Variants in SLC18B1 observed in about 807,000 individuals in gnomAD.
The protein encoded by SLC18B1 is MFS-type transporter SLC18B1.
In SLC18B1, 62 loss-of-function variants were observed where a neutral mutation model predicts 53.9. That is an observed-to-expected ratio of 1.15 (90% CI 0.94 to 1.42). SLC18B1 has a LOEUF of 1.42. SLC18B1 is among the 40% of genes most tolerant of loss of function. The pLI is 0.00. For synonymous variants in SLC18B1, 217 were observed against 200.9 expected (o/e 1.08, Z -0.68); for missense variants, 598 against 547.3 (o/e 1.09, Z -0.93).
At chr6:132,790,035 A>G (rs1781482869) in intron 3 of SLC18B1, 142 bp downstream of exon 3, 2 of 721,512 alleles carry the variant, frequency 2.8e-6, no homozygotes, top group African/African-American at 1.8e-5. Flanking sequence ...AACTCTGAGG[A>G]GAGAACTGTC....
At chr6:132,774,359 C>G in intron 8 of SLC18B1, 46 bp from the exon 9 acceptor site, 1 of 1,438,226 alleles carries the variant, frequency 7.0e-7, no homozygotes, top group Non-Finnish European at 9.7e-7. Flanking sequence ...GAGGCAAAGA[C>G]CCTCCATAAT....
In SLC18B1 at chr6:132,798,609, C is replaced by G. The variant is rs1337828777; in HGVS notation, c.-153G>C. On this transcript the variant is annotated 5_prime_UTR_variant, in exon 1 of 14. Coordinates refer to ENST00000275227, the MANE Select transcript of SLC18B1 (RefSeq NM_052831.3). Reference sequence around the variant, plus strand: ...CCTGCAGGCAGCGATCCGCCCGGCCCGGAGCTCCCCAAAGCCTTCCAGGAC... The same window carrying G: ...CCTGCAGGCAGCGATCCGCCCGGCCGGGAGCTCCCCAAAGCCTTCCAGGAC... 1 of 778,450 alleles carries G rather than the reference C, an allele frequency of 1.3e-6. No homozygotes were observed. The highest frequency in any genetic ancestry group is 1.8e-6 in the Non-Finnish European group (1 of 545,986). 48.2% of individuals were successfully genotyped at this position (778,450 alleles called of 1,614,324 possible). A position where few individuals can be genotyped will look rare whatever the true frequency, so the allele number is the denominator to read the frequency against.
intron 6 of SLC18B1, 76 bp from the exon 7 acceptor site, chr6:132,779,480 TG>T: frequency 6.8e-7 from 1 of 1,474,786 alleles, no homozygotes; most frequent in Non-Finnish European, 9.3e-7. Flanking sequence ...TTTGGAAAAC[TG>T]GTAACACCAT....
intron 2 of SLC18B1, among the ~76,000 whole-genome samples, chr6:132,794,646 G>A (rs927916808): frequency 6.6e-6 from 1 of 152,062 alleles, no homozygotes; most frequent in Non-Finnish European, 1.5e-5. Flanking sequence ...CTCTTCCTGT[G>A]ACTATACCTA....
intron 2 of SLC18B1, among the ~76,000 whole-genome samples, chr6:132,794,105 T>A (rs1053419171): frequency 1.1e-4 from 16 of 143,186 alleles, no homozygotes; most frequent in Non-Finnish European, 2.4e-4. Context: ...ATTTTTTTTT[T>A]AATTTTTTTT....
intron 5 of SLC18B1, among the ~76,000 whole-genome samples, chr6:132,785,915 A>AAAAAAAAAAAAAAG: frequency 6.7e-6 from 1 of 148,436 alleles, no homozygotes; most frequent in East Asian, 1.9e-4. Flanking sequence ...AAAAAAAAAA[A>AAAAAAAAAAAAAAG]AGAAAGAAAA....
Position 132,797,103 on chromosome 6 carries a change from C to G in SLC18B1, c.62G>C (p.Ser21Thr). 1 of 1,613,850 alleles carries G rather than the reference C, an allele frequency of 6.2e-7. No individual in the cohort carries two copies. The highest frequency in any genetic ancestry group is 8.5e-7 in the Non-Finnish European group (1 of 1,179,948). ...AAGCCACCCGGGGGTCTCTCCTGCA[C>G]TTCCTGCAGGATCATCACCTTGAAT... ...RAPGGDDPAG[S>T]AGETPGWLSR... Residue 21 changes from serine to threonine, a missense_variant, in exon 2 of 14, where the codon AGT becomes ACT. Ser to Thr is a moderately conservative substitution (Grantham distance 58). Transcript: ENST00000275227.
chr6:132,776,185 A>T, intron 8 of SLC18B1, 143 bp downstream of exon 8: 1 of 647,104 alleles, frequency 1.5e-6, no homozygotes, highest in African/African-American at 1.9e-5. Flanking sequence ...CCTTAGGGTG[A>T]TAGAAAACAC....
At chr6:132,794,032 C>G (rs1482479660) in intron 2 of SLC18B1, among the ~76,000 whole-genome samples, 1 of 152,114 alleles carries the variant, frequency 6.6e-6, no homozygotes, top group Non-Finnish European at 1.5e-5. Context: ...TAGGAAATGC[C>G]CTTCTCACTG....
chr6:132,786,181 G>A (rs1022155305), intron 5 of SLC18B1, among the ~76,000 whole-genome samples: 5 of 152,128 alleles, frequency 3.3e-5, no homozygotes, highest in Non-Finnish European at 7.4e-5. Flanking sequence ...AATGTAAATG[G>A]TATGCCGGCC....
chr6:132,783,840 AT>A, intron 6 of SLC18B1, 92 bp downstream of exon 6: 1 of 1,006,398 alleles, frequency 9.9e-7, no homozygotes, highest in Non-Finnish European at 1.3e-6. Flanking sequence ...GCTATTTTTG[AT>A]TATATAAAAT....
At chr6:132,774,052 A>G (rs1781041608) in intron 9 of SLC18B1, among the ~76,000 whole-genome samples, 170 bp downstream of exon 9, 1 of 152,200 alleles carries the variant, frequency 6.6e-6, no homozygotes, top group Admixed American at 6.5e-5. Context: ...TCCCACTGCT[A>G]GCTTCTAGTA....
Position 132,780,013 on chromosome 6 carries a change from C to T in SLC18B1, c.659-609G>A, listed in dbSNP as rs185967407. ...ATTAATTACCTCCACCTGGCCCCAC[C>T]CCTTGACACATGGGGACTATTATAA... On this transcript the variant is annotated intron_variant, in intron 6 of 13. Coordinates refer to ENST00000275227, the MANE Select transcript of SLC18B1 (RefSeq NM_052831.3). 2.3e-3 allele frequency among the ~76,000 whole-genome samples: 346 copies of T among 152,252 alleles called. 1 individual carries two copies. The highest frequency in any genetic ancestry group is 7.8e-3 in the African/African-American group (326 of 41,552).
chr6:132,787,305 G>A (rs1781401215), intron 5 of SLC18B1, 129 bp downstream of exon 5: 3 of 868,544 alleles, frequency 3.5e-6, no homozygotes, highest in Admixed American at 3.4e-5. Context: ...AACTCGGGGT[G>A]AAAGGCAACA....
chr6:132,781,494 C>T (rs895615553), intron 6 of SLC18B1, among the ~76,000 whole-genome samples: 3 of 152,082 alleles, frequency 2.0e-5, no homozygotes, highest in East Asian at 1.9e-4. Context: ...CACGGTGGCT[C>T]ACATCTGTAA....
intron 5 of SLC18B1, among the ~76,000 whole-genome samples, chr6:132,785,925 A>AAAAAG (rs1457335882): frequency 2.0e-5 from 3 of 151,280 alleles, no homozygotes; most frequent in Non-Finnish European, 2.9e-5. Flanking sequence ...AAGAAAGAAA[A>AAAAAG]AAAGAAAAAA....
At position 132,774,260 on chromosome 6, in the gene SLC18B1, G is replaced by A. The variant is rs1297914823; in HGVS notation, c.951C>T (p.Tyr317=). ...VFGNLITAGC[Y]MLLGPVPILH... is the part of the protein sequence containing the mutation. Reference sequence around the variant, plus strand: ...AGATTGGGACAGGCCCTAAGAGCATGTAGCACCCGGCTGTGATTAAGTTGC... The same window carrying A: ...AGATTGGGACAGGCCCTAAGAGCATATAGCACCCGGCTGTGATTAAGTTGC... Residue 317 remains tyrosine, a synonymous_variant, in exon 9 of 14, where the codon TAC becomes TAT. Transcript: ENST00000275227. 12 of 1,613,508 alleles carry A rather than the reference G, an allele frequency of 7.4e-6. No individual in the cohort carries two copies. Among genetic ancestry groups the A allele is most frequent in the Admixed American group, 6.7e-5 (4 of 59,952 alleles).
Position 132,787,576 on chromosome 6 carries a change from A to G in SLC18B1, c.359T>C (p.Leu120Ser). The change falls in exon 5 of 14, where the codon TTG becomes TCG. Residue 120 changes from leucine to serine, a missense_variant. Leu to Ser is a moderately radical substitution (Grantham distance 145). Transcript: ENST00000275227. Reference sequence around the variant, plus strand: ...TACTGGCCCATCTGGAACTCGGTCCAATACACTAAAAAGGAATAAGACAAT... The same window carrying G: ...TACTGGCCCATCTGGAACTCGGTCCGATACACTAAAAAGGAATAAGACAAT... ...SGGVTILFGV[L>S]DRVPDGPVFI... 1 of 1,569,892 alleles carries G rather than the reference A, an allele frequency of 6.4e-7. No homozygotes were observed.
At chr6:132,785,521 T>C (rs1781346853) in intron 5 of SLC18B1, among the ~76,000 whole-genome samples, 2 of 152,168 alleles carry the variant, frequency 1.3e-5, no homozygotes, top group Admixed American at 1.3e-4. Context: ...TTAATAACTT[T>C]CAAAACTTCA....
Sources: gnomAD v4.1 joint callset for allele counts (sites outside exome capture counted in the v4.1 genomes callset) on GRCh38, gnomAD v4.1.1 for gene constraint, MANE v1.5 for transcripts, NCBI Gene and HGNC (gene_info 2026-07-23, HGNC 2026-07-21) for gene names.